The following CNTN5 variants were observed in gnomAD, a reference collection of about 807,000 sequenced individuals.
The protein encoded by CNTN5 is contactin-5.
CNTN5 carries 77 observed loss-of-function variants against 129.1 expected under a neutral mutation model. That is an observed-to-expected ratio of 0.60 (90% confidence interval 0.50 to 0.72). The LOEUF is 0.72. CNTN5 is among the 30% of genes least tolerant of loss of function. The pLI is 0.00. For missense variants in CNTN5, 1,478 were observed against 1,328.8 expected, an observed-to-expected ratio of 1.11 and a Z score of -1.75; for synonymous variants, 509 against 465.6, an observed-to-expected ratio of 1.09 and a Z score of -1.20.
intron 3 of CNTN5, among the ~76,000 whole-genome samples, chr11:99,696,061 C>T (rs1954256743): frequency 6.6e-6 from 1 of 152,050 alleles, no homozygotes; most frequent in Non-Finnish European, 1.5e-5. Context: ...ATAGTTTTCT[C>T]ACTACCTCAT....
At chr11:100,229,606 C>T (rs757663267) in intron 16 of CNTN5, among the ~76,000 whole-genome samples, 9 of 152,260 alleles carry the variant, frequency 5.9e-5, no homozygotes, top group Non-Finnish European at 1.2e-4. Flanking sequence ...TATCACTTTC[C>T]CAAATGCAAT....
intron 2 of CNTN5, among the ~76,000 whole-genome samples, chr11:99,527,782 G>A (rs575969510): frequency 1.5e-4 from 23 of 152,210 alleles, no homozygotes; most frequent in African/African-American, 5.5e-4. Flanking sequence ...TACACCTCAC[G>A]AAGGCATAAG....
At chr11:100,159,735 A>G (rs527481586) in intron 13 of CNTN5, among the ~76,000 whole-genome samples, 30 of 152,038 alleles carry the variant, frequency 2.0e-4, no homozygotes, top group African/African-American at 5.1e-4. Context: ...CAAGGTGACA[A>G]TAGAGCACAT....
At chr11:99,667,250 T>C (rs1163463552) in intron 3 of CNTN5, among the ~76,000 whole-genome samples, 1 of 152,044 alleles carries the variant, frequency 6.6e-6, no homozygotes, top group East Asian at 1.9e-4. Context: ...CTCTCTTTTC[T>C]CTGTAATTGC....
intron 1 of CNTN5, among the ~76,000 whole-genome samples, chr11:99,097,970 A>G (rs1034566256): frequency 3.9e-5 from 6 of 152,164 alleles, no homozygotes; most frequent in African/African-American, 1.4e-4. Context: ...TATACTCCTT[A>G]TATAATTTCT....
At chr11:99,775,496 G>A (rs1945092435) in intron 3 of CNTN5, among the ~76,000 whole-genome samples, 1 of 151,946 alleles carries the variant, frequency 6.6e-6, no homozygotes, top group African/African-American at 2.4e-5. Context: ...CTACTGAAGA[G>A]CTTTGGTCAA....
chr11:99,376,228 G>A (rs1487001644), intron 2 of CNTN5, among the ~76,000 whole-genome samples: 1 of 152,110 alleles, frequency 6.6e-6, no homozygotes, highest in African/African-American at 2.4e-5. Flanking sequence ...ATGTATCAAT[G>A]ACCTTCTGCT....
chr11:99,661,231 G>A (rs894651410), intron 3 of CNTN5, among the ~76,000 whole-genome samples: 7 of 152,116 alleles, frequency 4.6e-5, no homozygotes, highest in African/African-American at 1.7e-4. Context: ...ATTTATATGT[G>A]CTCATCTACA....
intron 9 of CNTN5, among the ~76,000 whole-genome samples, chr11:100,008,292 T>G (rs1024896757): frequency 6.6e-6 from 1 of 152,058 alleles, no homozygotes; most frequent in Non-Finnish European, 1.5e-5. Flanking sequence ...CCACAGACCT[T>G]CAATTTGTGA....
At chr11:100,282,681 C>T (rs1950664666) in intron 18 of CNTN5, among the ~76,000 whole-genome samples, 1 of 152,216 alleles carries the variant, frequency 6.6e-6, no homozygotes, top group Non-Finnish European at 1.5e-5. Flanking sequence ...GTGGTGAGTT[C>T]CCCTAGGGCC....
intron 3 of CNTN5, among the ~76,000 whole-genome samples, chr11:99,636,410 A>G (rs1951558337): frequency 6.7e-6 from 1 of 150,230 alleles, no homozygotes; most frequent in Non-Finnish European, 1.5e-5. Flanking sequence ...GTTGTTTGCA[A>G]TTTGCTCTTC....
intron 1 of CNTN5, among the ~76,000 whole-genome samples, chr11:99,047,464 A>C (rs1462872438): frequency 6.6e-6 from 1 of 151,992 alleles, no homozygotes; most frequent in African/African-American, 2.4e-5. Flanking sequence ...ATTATAAAAT[A>C]TAAATTGTAA....
At chr11:99,372,560 G>A (rs1321817324) in intron 2 of CNTN5, among the ~76,000 whole-genome samples, 1 of 151,928 alleles carries the variant, frequency 6.6e-6, no homozygotes, top group Non-Finnish European at 1.5e-5. Context: ...CCATCTGTGT[G>A]AAAACTCACC....
intron 3 of CNTN5, among the ~76,000 whole-genome samples, chr11:99,637,339 A>G (rs1951599142): frequency 6.6e-6 from 1 of 152,146 alleles, no homozygotes; most frequent in Non-Finnish European, 1.5e-5. Flanking sequence ...TGGATGAATC[A>G]CAATGTCATG....
chr11:100,019,712 G>C (rs1019004874), intron 9 of CNTN5, among the ~76,000 whole-genome samples: 2 of 151,966 alleles, frequency 1.3e-5, no homozygotes, highest in Non-Finnish European at 2.9e-5. Flanking sequence ...CTCAGAAGTA[G>C]AATTGTTGGA....
At chr11:99,109,088 A>T in intron 1 of CNTN5, among the ~76,000 whole-genome samples, 1 of 151,640 alleles carries the variant, frequency 6.6e-6, no homozygotes, top group Non-Finnish European at 1.5e-5. Flanking sequence ...ATCTATATGT[A>T]TATACACATA....
At chr11:99,888,605 A>G (rs569614974) in intron 6 of CNTN5, among the ~76,000 whole-genome samples, 22 of 152,334 alleles carry the variant, frequency 1.4e-4, no homozygotes, top group Non-Finnish European at 2.8e-4. Flanking sequence ...TTCTAAGATC[A>G]GAAAGCCTGA....
At chr11:100,092,128 A>G (rs1191760598) in intron 13 of CNTN5, among the ~76,000 whole-genome samples, 1 of 152,076 alleles carries the variant, frequency 6.6e-6, no homozygotes, top group Non-Finnish European at 1.5e-5. Flanking sequence ...AAATTGAATC[A>G]GAAGGTTGTA....
At chr11:100,297,006 T>A (rs1951111833) in intron 18 of CNTN5, among the ~76,000 whole-genome samples, 1 of 151,572 alleles carries the variant, frequency 6.6e-6, no homozygotes, top group Admixed American at 6.6e-5. Flanking sequence ...AAGGGGAAAT[T>A]TATTCCTTTG....
Sources: gnomAD v4.1 joint callset for allele counts (sites outside exome capture counted in the v4.1 genomes callset) on GRCh38, gnomAD v4.1.1 for gene constraint, MANE v1.5 for transcripts, NCBI Gene and HGNC (gene_info 2026-07-23, HGNC 2026-07-21) for gene names.